The following ZNF184 variants were observed in gnomAD, a reference collection of about 807,000 sequenced individuals.
ZNF184 encodes the protein zinc finger protein 184.
A neutral mutation model predicts 54.4 loss-of-function variants in ZNF184; 16 were observed. That is an observed-to-expected ratio of 0.29 (90% confidence interval 0.20 to 0.45). ZNF184 has a LOEUF of 0.45. Ranked by LOEUF, ZNF184 falls within the 20% of genes least tolerant of loss-of-function variation. The pLI is 1.00. For synonymous variants in ZNF184, 254 were observed against 295.3 expected (o/e 0.86, Z 1.43); for missense variants, 681 against 888.2 (o/e 0.77, Z 2.97).
chr6:27,459,695 C>T (rs577753698), intron 3 of ZNF184, among the ~76,000 whole-genome samples: 1 of 152,016 alleles, frequency 6.6e-6, no homozygotes, highest in South Asian at 2.1e-4. Flanking sequence ...CTTCTAGGTA[C>T]AAAGACATAT....
At chr6:27,465,484 C>CAAAAAAAAAAA (rs60538455) in intron 3 of ZNF184, among the ~76,000 whole-genome samples, 8 of 35,168 alleles carry the variant, frequency 2.3e-4, no homozygotes, top group South Asian at 2.9e-3. Context: ...GACTCCATCT[C>CAAAAAAAAAAA]AAAAAAAAAA....
At chr6:27,437,435 A>G in the ZNF184 span, among the ~76,000 whole-genome samples, 1 of 152,216 alleles carries the variant, frequency 6.6e-6, no homozygotes, top group African/African-American at 2.4e-5. Flanking sequence ...CTTCAATTAC[A>G]AGGAAGTGTA....
At chr6:27,466,372 T>C (rs974413278) in intron 3 of ZNF184, among the ~76,000 whole-genome samples, 2 of 152,220 alleles carry the variant, frequency 1.3e-5, no homozygotes, top group Non-Finnish European at 2.9e-5. Context: ...TCTAAGCTTA[T>C]GGCAATTAAT....
chr6:27,442,851 AAAG>A, the ZNF184 span, among the ~76,000 whole-genome samples: 42 of 76,166 alleles, frequency 5.5e-4, 5 homozygotes, highest in Non-Finnish European at 1.0e-3. Context: ...AGAAAGAAAG[AAAG>A]AAAGAAAGAA....
At chr6:27,442,813 AG>A in the ZNF184 span, among the ~76,000 whole-genome samples, 1 of 6,462 alleles carries the variant, frequency 1.5e-4, no homozygotes. Flanking sequence ...AGAAAGAAAG[AG>A]AAAGAAAGAA....
At chr6:27,457,207 G>A in intron 4 of ZNF184, 76 bp downstream of exon 4, 1 of 1,534,134 alleles carries the variant, frequency 6.5e-7, no homozygotes, top group African/African-American at 1.4e-5. Flanking sequence ...AAACTTAAAG[G>A]CAAACTCCCC....
chr6:27,411,000 T>C, the ZNF184 span, among the ~76,000 whole-genome samples: 1 of 152,344 alleles, frequency 6.6e-6, no homozygotes, highest in South Asian at 2.1e-4. Flanking sequence ...ATGAGGAAAC[T>C]GGTGTCTTTG....
the ZNF184 span, among the ~76,000 whole-genome samples, chr6:27,424,070 G>T: frequency 6.6e-6 from 1 of 152,182 alleles, no homozygotes; most frequent in African/African-American, 2.4e-5. Context: ...GGCACGCCTG[G>T]AGTTTGTTCC....
At chr6:27,424,634 CAG>C in the ZNF184 span, among the ~76,000 whole-genome samples, 7 of 152,330 alleles carry the variant, frequency 4.6e-5, no homozygotes, top group South Asian at 2.1e-4. Context: ...GAGCTAGACA[CAG>C]GGTGCTGATT....
At chr6:27,422,148 A>AAAAAAAGAAAAAGAAAGAAAGAAAG in the ZNF184 span, among the ~76,000 whole-genome samples, 12 of 43,456 alleles carry the variant, frequency 2.8e-4, 1 homozygote, top group African/African-American at 1.0e-3. Context: ...CTCAAAAAAA[A>AAAAAAAGAAAAAGAAAGAAAGAAAG]AAAGAAAGAA....
intron 2 of ZNF184, among the ~76,000 whole-genome samples, chr6:27,469,699 G>GT (rs1763227538): frequency 6.6e-6 from 1 of 152,116 alleles, no homozygotes; most frequent in Non-Finnish European, 1.5e-5. Flanking sequence ...TAGCAATGCT[G>GT]TAAGAGATGC....
intron 2 of ZNF184, among the ~76,000 whole-genome samples, chr6:27,469,859 A>G (rs1221044227): frequency 2.6e-5 from 4 of 152,226 alleles, no homozygotes. Flanking sequence ...GCATTAACCA[A>G]GGCTTGTTGG....
downstream of ZNF184, among the ~76,000 whole-genome samples, chr6:27,448,384 A>T (rs1762661315): frequency 6.6e-6 from 1 of 152,178 alleles, no homozygotes; most frequent in Non-Finnish European, 1.5e-5. Flanking sequence ...TAGCATTCCA[A>T]CTAAATTCCT....
intron 5 of ZNF184, among the ~76,000 whole-genome samples, chr6:27,455,248 A>C (rs1350395042): frequency 6.6e-6 from 1 of 152,212 alleles, no homozygotes; most frequent in East Asian, 1.9e-4. Flanking sequence ...AAAAGTAACC[A>C]AAAGAATGGA....
the ZNF184 span, among the ~76,000 whole-genome samples, chr6:27,433,966 C>T: frequency 7.5e-6 from 1 of 134,060 alleles, no homozygotes; most frequent in South Asian, 2.8e-4. Context: ...CTTCCTTCCT[C>T]TCCCTCCCTT....
chr6:27,462,259 G>A lies in ZNF184; in HGVS notation c.76-4850C>T, dbSNP rs370313546. 4.5e-4 allele frequency among the ~76,000 whole-genome samples: 69 copies of A among 151,860 alleles called. 1 individual carries two copies. Among genetic ancestry groups the A allele is most frequent in the African/African-American group, 1.5e-3 (62 of 41,432 alleles). ...GTTGCGCAGCCTGGAGTGCAGTGGCGTGATCTCGGCTCACTGCAAGCTCTA... is the reference window on the plus strand; with the variant it reads ...GTTGCGCAGCCTGGAGTGCAGTGGCATGATCTCGGCTCACTGCAAGCTCTA... On this transcript the variant is annotated intron_variant, in intron 3 of 5. Transcript: ENST00000683788.
chr6:27,435,785 A>G, the ZNF184 span, among the ~76,000 whole-genome samples: 1 of 152,112 alleles, frequency 6.6e-6, no homozygotes, highest in South Asian at 2.1e-4. Flanking sequence ...AATGCTGTAG[A>G]CCCAGTAAAG....
the ZNF184 span, among the ~76,000 whole-genome samples, chr6:27,422,845 CAGGAACTTTCGTATACA>C: frequency 6.6e-6 from 1 of 152,332 alleles, no homozygotes; most frequent in African/African-American, 2.4e-5. Flanking sequence ...GTCTGACACA[CAGGAACTTTCGTATACA>C]GCACCCGGTT....
At chr6:27,456,548 T>C (rs1762857598) in intron 5 of ZNF184, among the ~76,000 whole-genome samples, 1 of 152,106 alleles carries the variant, frequency 6.6e-6, no homozygotes, top group African/African-American at 2.4e-5. Flanking sequence ...CTAAAGGAAG[T>C]AGAAAGAGAT....
Sources: gnomAD v4.1 joint callset for allele counts (sites outside exome capture counted in the v4.1 genomes callset) on GRCh38, gnomAD v4.1.1 for gene constraint, MANE v1.5 for transcripts, NCBI Gene and HGNC (gene_info 2026-07-23, HGNC 2026-07-21) for gene names.